The following STYK1 variants were observed in gnomAD, a reference collection of about 807,000 sequenced individuals.
STYK1 encodes tyrosine-protein kinase STYK1.
Under a neutral mutation model 48.1 loss-of-function variants are expected in STYK1, and 46 were observed. The observed-to-expected ratio is 0.96, with a 90% CI of 0.75 to 1.22. STYK1 has a LOEUF of 1.22. Among genes scored for constraint, STYK1 ranks in the 50% most tolerant of loss-of-function variants. The pLI is 0.00. For synonymous variants in STYK1, 188 were observed against 189.0 expected, an observed-to-expected ratio of 0.99 and a Z score of 0.04; for missense variants, 527 against 521.1, an observed-to-expected ratio of 1.01 and a Z score of -0.11.
chr12:10,654,739 G>A (rs1325900213), intron 1 of STYK1, among the ~76,000 whole-genome samples: 1 of 152,178 alleles, frequency 6.6e-6, no homozygotes, highest in African/African-American at 2.4e-5. Context: ...AGGGATTAGA[G>A]GCCCCTCTCA....
chr12:10,624,555 T>C, intron 8 of STYK1, 96 bp downstream of exon 8: 1 of 1,067,378 alleles, frequency 9.4e-7, no homozygotes, highest in Non-Finnish European at 1.4e-6. Flanking sequence ...GTAGAGATTA[T>C]ATTCGTATAC....
intron 1 of STYK1, among the ~76,000 whole-genome samples, chr12:10,669,843 A>C (rs571391094): frequency 6.6e-6 from 1 of 152,360 alleles, no homozygotes; most frequent in East Asian, 1.9e-4. Flanking sequence ...TTCTCAAAAG[A>C]AGACACACAA....
intron 1 of STYK1, among the ~76,000 whole-genome samples, chr12:10,647,351 G>A (rs772069976): frequency 1.3e-5 from 2 of 152,200 alleles, no homozygotes; most frequent in Non-Finnish European, 2.9e-5. Flanking sequence ...GATCATTTTG[G>A]AGCTTTAAGA....
intron 1 of STYK1, among the ~76,000 whole-genome samples, chr12:10,647,831 C>T (rs1248487324): frequency 6.6e-6 from 1 of 152,116 alleles, no homozygotes; most frequent in African/African-American, 2.4e-5. Context: ...AGGGGAGTTT[C>T]CCTGCACAAG....
intron 7 of STYK1, among the ~76,000 whole-genome samples, chr12:10,625,198 CTTTCTTTTTTTGTTTG>C (rs1947342023): frequency 8.2e-6 from 1 of 121,278 alleles, no homozygotes; most frequent in Non-Finnish European, 1.8e-5. Flanking sequence ...TTCCAAGTTT[CTTTCTTTTTTTGTTTG>C]TTTGTTTGTT....
chr12:10,630,104 A>C (rs1947408307), intron 5 of STYK1, among the ~76,000 whole-genome samples: 1 of 148,376 alleles, frequency 6.7e-6, no homozygotes, highest in Non-Finnish European at 1.5e-5. Flanking sequence ...ATATAATGTA[A>C]GCTGGGCATG....
At chr12:10,666,761 CTT>C in intron 1 of STYK1, among the ~76,000 whole-genome samples, 1 of 152,326 alleles carries the variant, frequency 6.6e-6, no homozygotes, top group Admixed American at 6.5e-5. Flanking sequence ...CCTTCACATG[CTT>C]TCTCTCACCT....
chr12:10,625,474 C>T (rs1170537404), intron 7 of STYK1, among the ~76,000 whole-genome samples: 1 of 152,192 alleles, frequency 6.6e-6, no homozygotes, highest in Non-Finnish European at 1.5e-5. Context: ...TCCTCGGCCT[C>T]CCAAAGTGCT....
At chr12:10,665,721 C>G (rs1374381158) in intron 1 of STYK1, among the ~76,000 whole-genome samples, 2 of 152,172 alleles carry the variant, frequency 1.3e-5, no homozygotes, top group South Asian at 4.1e-4. Context: ...ATATTTATAT[C>G]CCAGCTGTGT....
At chr12:10,644,903 A>G (rs1221604044) in intron 1 of STYK1, among the ~76,000 whole-genome samples, 1 of 152,168 alleles carries the variant, frequency 6.6e-6, no homozygotes, top group Non-Finnish European at 1.5e-5. Context: ...GATAATATTG[A>G]AAGCTTGAAA....
At chr12:10,624,339 G>A (rs558226588) in intron 8 of STYK1, among the ~76,000 whole-genome samples, 11 of 152,010 alleles carry the variant, frequency 7.2e-5, no homozygotes, top group Admixed American at 2.0e-4. Context: ...TGGGAGGATC[G>A]CTTGAGCCTG....
chr12:10,638,636 T>C (rs1387805911), intron 1 of STYK1, among the ~76,000 whole-genome samples: 4 of 152,262 alleles, frequency 2.6e-5, no homozygotes, highest in Admixed American at 2.6e-4. Flanking sequence ...ACACAACTCT[T>C]AATAAGTGGC....
intron 5 of STYK1, 54 bp downstream of exon 5, chr12:10,630,991 G>T (rs1245541976): frequency 1.3e-6 from 2 of 1,594,126 alleles, no homozygotes; most frequent in Non-Finnish European, 1.7e-6. Context: ...TGTTCGCAAA[G>T]CCTGTTAATA....
chr12:10,639,884 G>C (rs1947525306), intron 1 of STYK1, among the ~76,000 whole-genome samples: 1 of 152,148 alleles, frequency 6.6e-6, no homozygotes, highest in Non-Finnish European at 1.5e-5. Flanking sequence ...AAAGAATCAT[G>C]GAAACCACAA....
At position 10,620,339 on chromosome 12, in the gene STYK1, G is replaced by A. The variant is rs2120579703; in HGVS notation, c.1074C>T (p.Ile358=). Residue 358 remains isoleucine (I), a synonymous_variant, in exon 11 of 11, where the codon ATC becomes ATT. Coordinates refer to ENST00000075503, the MANE Select transcript of STYK1 (RefSeq NM_018423.3). ...PSSCTHTMYS[I]MKSCWRWREA... ...CACGCCAGCGCCAGCAGGACTTCAT[G>A]ATACTGTACCTGAGAGGGAAACAAG... 1 of 1,612,932 alleles carries A rather than the reference G, an allele frequency of 6.2e-7. No homozygotes were observed. The highest frequency in any genetic ancestry group is 8.5e-7 in the Non-Finnish European group (1 of 1,180,036).
rs375423751 is a variant in STYK1 at position 10,620,322 on chromosome 12, C to T, written c.1091G>A (p.Arg364His). Residue 364 changes from arginine (R) to histidine (H), a missense_variant, in exon 11 of 11, where the codon CGC becomes CAC. By Grantham distance (29) the Arg-to-His change is conservative (BLOSUM62 0). Transcript: ENST00000075503. The stretch of plus-strand genomic sequence containing the variant: ...TGAGGGGCGGTCAGCCTCACGCCAG[C>T]GCCAGCAGGACTTCATGATACTGTA... ...TMYSIMKSCW[R>H]WREADRPSPR... The T allele has an allele frequency of 1.7e-5, 27 of 1,613,258 alleles. No homozygotes were observed. Among genetic ancestry groups the T allele is most frequent in the Admixed American group, 5.0e-5 (3 of 60,004 alleles).
chr12:10,660,106 C>T (rs1947760202), intron 1 of STYK1, among the ~76,000 whole-genome samples: 1 of 152,058 alleles, frequency 6.6e-6, no homozygotes, highest in African/African-American at 2.4e-5. Context: ...TAACAGTTGC[C>T]CACTTCACAA....
At position 10,620,405 on chromosome 12, in the gene STYK1, T is replaced by C. The variant is rs1865889105; in HGVS notation, c.1065-57A>G. ...TGACAAGGCAAATGTATGGGGAGCA[T>C]GTCTCCTCTCCTCACAAACTTTAAC... On this transcript the variant is annotated intron_variant, in intron 10 of 10. Transcript: ENST00000075503. 3.3e-6 allele frequency: 5 copies of C among 1,528,338 alleles called. No individual in the cohort carries two copies. In the Admixed American group the frequency reaches 6.8e-5, roughly 21 times the overall value. 94.7% of individuals were successfully genotyped at this position (1,528,338 alleles called of 1,614,324 possible).
intron 1 of STYK1, among the ~76,000 whole-genome samples, chr12:10,667,981 C>A (rs910863507): frequency 6.6e-6 from 1 of 152,162 alleles, no homozygotes; most frequent in Non-Finnish European, 1.5e-5. Context: ...TTTAAGCCAA[C>A]GGATGGATAG....
Sources: allele counts gnomAD v4.1 joint callset (sites outside exome capture counted in the v4.1 genomes callset), GRCh38; gene constraint gnomAD v4.1.1; transcripts MANE v1.5; gene names NCBI Gene and HGNC (gene_info 2026-07-23, HGNC 2026-07-21).